Variants in NOTCH1 observed in about 807,000 individuals in gnomAD.
NOTCH1 encodes notch receptor 1, also known as neurogenic locus notch homolog protein 1.
NOTCH1 carries 37 observed loss-of-function variants against 254.8 expected under a neutral mutation model. The ratio of observed to expected loss-of-function variants is 0.15; its 90% CI spans 0.11 to 0.19. NOTCH1 has a LOEUF of 0.19. Ranked by LOEUF, NOTCH1 falls within the 10% of genes least tolerant of loss-of-function variation. The pLI, the probability that NOTCH1 is intolerant of heterozygous loss-of-function variation, is 1.00. For synonymous variants in NOTCH1, 1,731 were observed against 1,618.1 expected, an observed-to-expected ratio of 1.07 and a Z score of -1.68; for missense variants, 2,972 against 3,708.6, an observed-to-expected ratio of 0.80 and a Z score of 5.16.
intron 15 of NOTCH1, among the ~76,000 whole-genome samples, chr9:136,511,563 G>A (rs997898337): frequency 2.0e-5 from 3 of 152,190 alleles, no homozygotes; most frequent in African/African-American, 4.8e-5. Flanking sequence ...CCCACCAGGC[G>A]TGCCCAGGAA....
intron 25 of NOTCH1, 97 bp downstream of exon 25, chr9:136,505,213 G>A: frequency 6.6e-7 from 1 of 1,521,046 alleles, no homozygotes; most frequent in Non-Finnish European, 8.9e-7. Flanking sequence ...TGCACCCCCT[G>A]AGCAGAGCCT....
rs374937899 is a variant in NOTCH1, at chr9:136,513,074, G to T, written c.2414C>A (p.Thr805Lys). 1.9e-5 allele frequency: 30 copies of T among 1,542,622 alleles called. No homozygotes were observed. Among genetic ancestry groups the T allele is most frequent in the Non-Finnish European group, 2.6e-5 (29 of 1,137,214 alleles). ...GTACCCGGCAACGTCGTCAATACACGTGCCCTGGTTCAGACATGGGTTGGA... is the reference window on the plus strand; with the variant it reads ...GTACCCGGCAACGTCGTCAATACACTTGCCCTGGTTCAGACATGGGTTGGA... ...CASNPCLNQG[T>K]CIDDVAGYKC... is the part of the protein sequence containing the mutation. The change falls in exon 15 of 34, where the codon ACG becomes AAG. Residue 805 changes from threonine to lysine, a missense_variant. Coordinates refer to ENST00000651671, the MANE Select transcript of NOTCH1 (RefSeq NM_017617.5). This position sits in a 1 kb window ranked among gnomAD's most constrained non-coding sequence, Gnocchi z 4.7.
chr9:136,502,837 C>T (rs1249284822), intron 27 of NOTCH1: 1 of 574,568 alleles, frequency 1.7e-6, no homozygotes, highest in East Asian at 3.1e-5. Flanking sequence ...TCACATGACA[C>T]CGATCAATTC....
intron 27 of NOTCH1, chr9:136,502,954 A>G: frequency 1.4e-6 from 1 of 702,880 alleles, no homozygotes; most frequent in Non-Finnish European, 2.6e-6. Flanking sequence ...GCAGGCACCC[A>G]CTTTCCCGTG....
At chr9:136,527,379 C>G (rs567764142) in intron 2 of NOTCH1, among the ~76,000 whole-genome samples, 32 of 152,380 alleles carry the variant, frequency 2.1e-4, no homozygotes, top group African/African-American at 5.8e-4. Flanking sequence ...GTCTTCAATG[C>G]TGTCCCGGCG....
chr9:136,495,351 T>C lies in NOTCH1; in HGVS notation c.*720A>G. 1 of 398,848 alleles carries C rather than the reference T, an allele frequency of 2.5e-6. No individual in the cohort carries two copies. Among genetic ancestry groups the C allele is most frequent in the Non-Finnish European group, 4.4e-6 (1 of 226,086 alleles). The allele number at this position is 398,848 out of a possible 1,614,324, so 24.7% of individuals were successfully genotyped here. A position where few individuals can be genotyped will look rare whatever the true frequency, so the allele number is the denominator to read the frequency against. ...CATAATACTGAACCTGAAACAAAGA[T>C]TCATGATTGGTACCATGGGTGCACT... On this transcript the variant is annotated 3_prime_UTR_variant, in exon 34 of 34. Coordinates refer to ENST00000651671, the MANE Select transcript of NOTCH1 (RefSeq NM_017617.5).
chr9:136,499,188 A>G lies in NOTCH1; in HGVS notation c.6006T>C (p.Ala2002=), dbSNP rs2133322897. ...GCATGCCCTCCACGGCCAGGCGGGC[A>G]GCCAGGATCAGTGGCGTCGTGCCAT... ...MHDGTTPLIL[A]ARLAVEGMLE... The change falls in exon 32 of 34, where the codon GCT becomes GCC. Residue 2002 remains alanine, a synonymous_variant. Coordinates refer to ENST00000651671, the MANE Select transcript of NOTCH1 (RefSeq NM_017617.5). The G allele has an allele frequency of 6.2e-7, 1 of 1,613,402 alleles. No individual in the cohort carries two copies. The highest frequency in any genetic ancestry group is 8.5e-7 in the Non-Finnish European group (1 of 1,180,010).
rs12001241 is a variant in NOTCH1 at position 136,510,342 on chromosome 9, G to A, written c.2740+311C>T. Among the ~76,000 whole-genome samples the A allele has an allele frequency of 6.0e-3, 904 of 151,880 alleles. 9 individuals carry two copies. Among genetic ancestry groups the A allele is most frequent in the African/African-American group, 0.021 (857 of 41,426 alleles). On this transcript the variant is annotated intron_variant, in intron 17 of 33. Transcript: ENST00000651671. ...AGGGCTGGGAGGCCTGAGAGCCCTG[G>A]CCTGCAGCGGGGCCCGATGAGCCAG...
chr9:136,513,286 G>A lies in NOTCH1; in HGVS notation c.2353+106C>T. The stretch of plus-strand genomic sequence containing the variant: ...GGAGCTAAGGCTTTGCCACGGGAGG[G>A]AGACACCATGCATGGTGCTGGCTGG... On this transcript the variant is annotated intron_variant, in intron 14 of 33. Transcript: ENST00000651671. This position sits in a 1 kb window ranked among gnomAD's most constrained non-coding sequence, Gnocchi z 4.7. The A allele has an allele frequency of 6.5e-7, 1 of 1,549,416 alleles. No individual in the cohort carries two copies. Among genetic ancestry groups the A allele is most frequent in the Admixed American group, 1.7e-5 (1 of 57,750 alleles).
Position 136,502,468 on chromosome 9 carries a change from G to A in NOTCH1, c.5188C>T (p.Pro1730Ser), listed in dbSNP as rs2133331789. 2 of 1,583,290 alleles carry A rather than the reference G, an allele frequency of 1.3e-6. No homozygotes were observed. The highest frequency in any genetic ancestry group is 1.7e-6 in the Non-Finnish European group (2 of 1,166,612). The part of the protein sequence containing the change: ...AVQSETVEPP[P>S]PAQLHFMYVA... ...TACATGAAGTGCAGCTGCGCCGGCG[G>A]GGGCGGCTCCACGGTCTCACCTGCG... Residue 1730 changes from proline (P) to serine (S), a missense_variant, in exon 28 of 34, where the codon CCG becomes TCG. By Grantham distance (74) the Pro-to-Ser change is moderately conservative. Around this residue, in one of 8 missense-constraint regions of NOTCH1, gnomAD observed 421 missense variants for 604.4 expected, o/e 0.70. Transcript: ENST00000651671.
chr9:136,499,565 A>T (rs1219574668), intron 31 of NOTCH1, among the ~76,000 whole-genome samples: 1 of 152,192 alleles, frequency 6.6e-6, no homozygotes, highest in Non-Finnish European at 1.5e-5. Flanking sequence ...CAAAACAGAG[A>T]GGTCAAGTCC....
chr9:136,526,566 G>C (rs1026671905), intron 2 of NOTCH1, among the ~76,000 whole-genome samples: 2 of 152,182 alleles, frequency 1.3e-5, no homozygotes, highest in Non-Finnish European at 2.9e-5. Context: ...ACCCCAGAGG[G>C]GAGACGCTGG....
chr9:136,538,804 G>A (rs1843691310), intron 2 of NOTCH1, among the ~76,000 whole-genome samples: 2 of 152,242 alleles, frequency 1.3e-5, no homozygotes, highest in Admixed American at 1.3e-4. Flanking sequence ...ACGAGGCTGG[G>A]TAACAGCGGC....
chr9:136,522,144 A>G (rs1010165816), intron 4 of NOTCH1, among the ~76,000 whole-genome samples: 1 of 151,650 alleles, frequency 6.6e-6, no homozygotes, highest in African/African-American at 2.4e-5. Flanking sequence ...TGCCTGGCTA[A>G]TTTTTTGTAT....
intron 2 of NOTCH1, among the ~76,000 whole-genome samples, chr9:136,532,222 C>T (rs1328129711): frequency 2.0e-5 from 3 of 152,156 alleles, no homozygotes; most frequent in Admixed American, 2.0e-4. Context: ...AGGCTGGGGA[C>T]TGTCTGGGGT....
chr9:136,501,962 T>TGCCCGGGA, intron 29 of NOTCH1, 39 bp downstream of exon 29: 1 of 1,611,606 alleles, frequency 6.2e-7, no homozygotes, highest in Non-Finnish European at 8.5e-7. Context: ...CGGCAGCAGG[T>TGCCCGGGA]GCCCGGGAGC....
At position 136,517,791 on chromosome 9, in the gene NOTCH1, G is replaced by A. The variant is rs779172336; in HGVS notation, c.1402C>T (p.Leu468=). 1 of 1,612,736 alleles carries A rather than the reference G, an allele frequency of 6.2e-7. No individual in the cohort carries two copies. The highest frequency in any genetic ancestry group is 1.1e-5 in the South Asian group (1 of 91,090). ...SNPCQNDATC[L]DQIGEFQCIC... ...CACTGGAACTCCCCAATCTGGTCCA[G>A]GCAGGTGGCGTCGTTCTGGCACGGG... is the stretch of plus-strand genomic sequence containing the variant. The change falls in exon 8 of 34, where the codon CTG becomes TTG. Residue 468 remains leucine (L), a synonymous_variant. Transcript: ENST00000651671.
chr9:136,509,853 G>A lies in NOTCH1; in HGVS notation c.2849C>T (p.Ala950Val), dbSNP rs777658333. The change falls in exon 18 of 34, where the codon GCC (alanine) becomes GTC (valine). Residue 950 changes from alanine to valine, a missense_variant. Ala to Val is a moderately conservative substitution (Grantham distance 64, BLOSUM62 0). Around this residue, in one of 8 missense-constraint regions of NOTCH1, gnomAD observed 1,343 missense variants for 1,557.0 expected, o/e 0.86. Transcript: ENST00000651671. The part of the protein sequence containing the change: ...TFCEEDINEC[A>V]SDPCRNGANC... Reference sequence around the variant, plus strand: ...GGCCCCGTTGCGGCAGGGGTCACTGGCACACTCGTTGATGTCCTCCTCACA... The same window carrying A: ...GGCCCCGTTGCGGCAGGGGTCACTGACACACTCGTTGATGTCCTCCTCACA... The A allele has an allele frequency of 1.9e-6, 3 of 1,613,088 alleles. No homozygotes were observed. The highest frequency in any genetic ancestry group is 1.7e-6 in the Non-Finnish European group (2 of 1,180,014).
In NOTCH1 at chr9:136,516,007, T is replaced by A. The variant is rs1483841524; in HGVS notation, c.1643A>T (p.Asn548Ile). The A allele has an allele frequency of 6.2e-7, 1 of 1,611,822 alleles. No individual in the cohort carries two copies. The highest frequency in any genetic ancestry group is 1.1e-5 in the South Asian group (1 of 91,076). Residue 548 changes from asparagine (N) to isoleucine (I), a missense_variant, in exon 10 of 34, where the codon AAC becomes ATC. Around this residue, in one of 8 missense-constraint regions of NOTCH1, gnomAD observed 128 missense variants for 193.8 expected, o/e 0.66. Transcript: ENST00000651671. ...TTCCGTGCACACACAGGTGTAAGTG[T>A]TGGGTCCGTCCAGGCACTTGGCACC... ...KNGAKCLDGPNTYTCVCTEGY... is the reference protein window; with the variant it reads ...KNGAKCLDGPITYTCVCTEGY...
Sources: allele counts gnomAD v4.1 joint callset (sites outside exome capture counted in the v4.1 genomes callset), GRCh38; gene constraint gnomAD v4.1.1; regional missense constraint gnomAD v4.1.1; non-coding constraint Gnocchi (gnomAD v3.1); transcripts MANE v1.5; gene names NCBI Gene and HGNC (gene_info 2026-07-23, HGNC 2026-07-21).